The following CDH13 variants were observed in gnomAD, a reference collection of about 807,000 sequenced individuals.
CDH13 encodes the protein cadherin 13.
CDH13 carries 24 observed loss-of-function variants against 63.8 expected under a neutral mutation model. That is an observed-to-expected ratio of 0.38 (90% CI 0.27 to 0.53). CDH13 has a LOEUF of 0.53. Ranked by LOEUF, CDH13 falls within the 20% of genes least tolerant of loss-of-function variation. The pLI, the probability that CDH13 is intolerant of heterozygous loss-of-function variation, is 0.85. For missense variants in CDH13, 1,049 were observed against 903.1 expected, an observed-to-expected ratio of 1.16 and a Z score of -2.07; for synonymous variants, 503 against 355.3, an observed-to-expected ratio of 1.42 and a Z score of -4.67.
At chr16:83,694,597 A>C (rs1403213975) in intron 10 of CDH13, among the ~76,000 whole-genome samples, 1 of 152,200 alleles carries the variant, frequency 6.6e-6, no homozygotes, top group African/African-American at 2.4e-5. Context: ...AAACATTTGC[A>C]TATTCAGTTC....
intron 7 of CDH13, among the ~76,000 whole-genome samples, chr16:83,567,489 T>A (rs1023265422): frequency 9.9e-5 from 15 of 152,242 alleles, no homozygotes; most frequent in African/African-American, 3.4e-4. Flanking sequence ...ATGGCAGAGC[T>A]GGTGCATGTG....
intron 3 of CDH13, among the ~76,000 whole-genome samples, chr16:83,033,738 C>A (rs1221175235): frequency 6.6e-6 from 1 of 152,186 alleles, no homozygotes; most frequent in African/African-American, 2.4e-5. Context: ...TTTGCTACTA[C>A]TGACTCCTGC....
At chr16:83,361,180 A>T (rs2091154477) in intron 6 of CDH13, among the ~76,000 whole-genome samples, 1 of 152,096 alleles carries the variant, frequency 6.6e-6, no homozygotes, top group Non-Finnish European at 1.5e-5. Context: ...CGTTTCCCTG[A>T]TGATTAGTGA....
intron 10 of CDH13, among the ~76,000 whole-genome samples, chr16:83,742,799 GTCC>G (rs765784427): frequency 6.6e-6 from 1 of 152,214 alleles, no homozygotes; most frequent in Admixed American, 6.5e-5. Flanking sequence ...GTGTCCGTCT[GTCC>G]TCCTCTGTCT....
chr16:82,870,691 A>G lies in CDH13; in HGVS notation c.157+12218A>G, dbSNP rs985330861. On this transcript the variant is annotated intron_variant, in intron 2 of 13. Transcript: ENST00000567109. ...AAAGGTCTGAAGTGATGAATACTCA[A>G]TTACTCTGATTTGATTATTACACAT... Among the ~76,000 whole-genome samples the G allele has an allele frequency of 9.2e-5, 14 of 152,352 alleles. No individual in the cohort carries two copies. The South Asian group carries it at 1.4e-3, about 16-fold the overall frequency.
chr16:83,241,560 AT>A (rs1485267061), intron 5 of CDH13, among the ~76,000 whole-genome samples: 1 of 152,032 alleles, frequency 6.6e-6, no homozygotes, highest in Admixed American at 6.6e-5. Context: ...TATGGTTTTG[AT>A]TTGCATTTCT....
chr16:82,978,283 G>C (rs1485897894), intron 2 of CDH13, among the ~76,000 whole-genome samples: 1 of 152,214 alleles, frequency 6.6e-6, no homozygotes, highest in Non-Finnish European at 1.5e-5. Context: ...CAATGCAATA[G>C]AAAAGAAAAA....
At chr16:83,324,399 A>G (rs1229634407) in intron 5 of CDH13, among the ~76,000 whole-genome samples, 14 of 152,192 alleles carry the variant, frequency 9.2e-5, no homozygotes, top group Admixed American at 9.2e-4. Flanking sequence ...TGGAAGTAGC[A>G]TCCAACACCC....
In CDH13 at chr16:82,790,574, A is replaced by T. The variant is rs553128472; in HGVS notation, c.46-67788A>T. Among the ~76,000 whole-genome samples the T allele has an allele frequency of 6.6e-5, 10 of 152,356 alleles. No individual in the cohort carries two copies. The South Asian group carries it at 2.1e-3, about 32-fold the overall frequency. On this transcript the variant is annotated intron_variant, in intron 1 of 13. Transcript: ENST00000567109. ...AAATAAAGCATATCCTGCGTCCCATAGTAGGGTAGTGTATTAGTCCCTTCT... is the reference window on the plus strand; with the variant it reads ...AAATAAAGCATATCCTGCGTCCCATTGTAGGGTAGTGTATTAGTCCCTTCT...
intron 10 of CDH13, among the ~76,000 whole-genome samples, chr16:83,709,019 G>A (rs1366967330): frequency 6.6e-6 from 1 of 152,030 alleles, no homozygotes; most frequent in Non-Finnish European, 1.5e-5. Flanking sequence ...GCGAGACCCT[G>A]TCTCAAAAAA....
chr16:83,232,549 C>CAAA (rs752481819), intron 5 of CDH13, among the ~76,000 whole-genome samples: 1 of 104,474 alleles, frequency 9.6e-6, no homozygotes, highest in African/African-American at 3.2e-5. Flanking sequence ...CAACAACAAA[C>CAAA]AAACAAAAAA....
intron 7 of CDH13, among the ~76,000 whole-genome samples, chr16:83,585,615 G>C (rs1906077060): frequency 6.6e-6 from 1 of 152,030 alleles, no homozygotes; most frequent in Admixed American, 6.5e-5. Flanking sequence ...GAAGCTGTCA[G>C]AGTCCACAGG....
chr16:82,991,335 A>G (rs973682898), intron 2 of CDH13, among the ~76,000 whole-genome samples: 1 of 152,204 alleles, frequency 6.6e-6, no homozygotes, highest in Admixed American at 6.5e-5. Flanking sequence ...AATACTTTAA[A>G]AGTATATATC....
chr16:82,915,456 G>T (rs1268612496), intron 2 of CDH13, among the ~76,000 whole-genome samples: 1 of 152,114 alleles, frequency 6.6e-6, no homozygotes, highest in Admixed American at 6.5e-5. Context: ...GCCCAAAGAC[G>T]CCAGAGTGCT....
intron 6 of CDH13, among the ~76,000 whole-genome samples, chr16:83,481,020 C>T (rs1045568649): frequency 2.0e-5 from 3 of 152,150 alleles, no homozygotes; most frequent in African/African-American, 7.2e-5. Flanking sequence ...ATCATTCGGT[C>T]ACAGAAAGCA....
intron 6 of CDH13, among the ~76,000 whole-genome samples, chr16:83,444,179 T>C (rs2072592763): frequency 1.3e-5 from 2 of 152,078 alleles, no homozygotes; most frequent in African/African-American, 4.8e-5. Context: ...ATGGTGATGA[T>C]GGCAACAGTG....
intron 10 of CDH13, among the ~76,000 whole-genome samples, chr16:83,723,130 T>C (rs945347464): frequency 1.3e-5 from 2 of 152,230 alleles, no homozygotes; most frequent in African/African-American, 4.8e-5. Flanking sequence ...TGATCAATCT[T>C]CCTGCCTGTC....
rs546967971 is a variant in CDH13 at position 82,630,457 on chromosome 16, C to T, written c.45+3320C>T. On this transcript the variant is annotated intron_variant, in intron 1 of 13. Transcript: ENST00000567109. ...CAGTCATCTTAGCTGATCGCTCCTA[C>T]TCTGCCTCCCTCCCTTCTCCCCTTT... 5.9e-5 allele frequency among the ~76,000 whole-genome samples: 9 copies of T among 152,346 alleles called. No homozygotes were observed. In the South Asian group the frequency reaches 1.9e-3, roughly 32 times the overall value.
At chr16:83,687,731 C>T (rs1196716403) in intron 10 of CDH13, among the ~76,000 whole-genome samples, 1 of 152,194 alleles carries the variant, frequency 6.6e-6, no homozygotes, top group African/African-American at 2.4e-5. Context: ...CCAGTGCTAG[C>T]AGGGAGACTT....
Sources: allele counts gnomAD v4.1 joint callset (sites outside exome capture counted in the v4.1 genomes callset), GRCh38; gene constraint gnomAD v4.1.1; transcripts MANE v1.5; gene names NCBI Gene and HGNC (gene_info 2026-07-23, HGNC 2026-07-21).